Variants in TSHZ2 observed in about 807,000 individuals in gnomAD.
TSHZ2 encodes teashirt zinc finger homeobox 2, also known as teashirt homolog 2.
TSHZ2 carries 21 observed loss-of-function variants against 74.4 expected under a neutral mutation model. The observed-to-expected ratio is 0.28, with a 90% CI of 0.20 to 0.41. TSHZ2 has a LOEUF of 0.41. Ranked by LOEUF, TSHZ2 falls within the 10% of genes least tolerant of loss-of-function variation. The probability of loss-of-function intolerance (pLI) is 1.00; values close to 1 mark genes in which losing one functional copy is unlikely to be tolerated. For missense variants in TSHZ2, 1,244 were observed against 1,293.5 expected, an observed-to-expected ratio of 0.96 and a Z score of 0.59; for synonymous variants, 540 against 515.3, an observed-to-expected ratio of 1.05 and a Z score of -0.65.
intron 2 of TSHZ2, among the ~76,000 whole-genome samples, chr20:53,379,245 G>C (rs1228847616): frequency 1.3e-5 from 2 of 152,110 alleles, no homozygotes; most frequent in African/African-American, 4.8e-5. Context: ...AGCCAGCCGT[G>C]GTGTCACGCG....
chr20:53,247,576 C>T (rs1311437999), intron 1 of TSHZ2, among the ~76,000 whole-genome samples: 1 of 152,172 alleles, frequency 6.6e-6, no homozygotes, highest in Non-Finnish European at 1.5e-5. Flanking sequence ...ACCACAGTCA[C>T]CCAAACACTA....
At chr20:53,168,636 A>T (rs2123479488) in intron 1 of TSHZ2, 1 of 152,308 alleles carries the variant, frequency 6.6e-6, no homozygotes, top group South Asian at 2.1e-4. Context: ...AAACAGCTAA[A>T]CATCTCAGTG....
intron 2 of TSHZ2, among the ~76,000 whole-genome samples, chr20:53,397,212 C>A (rs1253716864): frequency 2.0e-5 from 3 of 152,286 alleles, no homozygotes; most frequent in African/African-American, 7.2e-5. Flanking sequence ...GAGAAAATTT[C>A]TGCAATCTAC....
At chr20:53,305,943 A>C (rs1978522001) in intron 2 of TSHZ2, among the ~76,000 whole-genome samples, 1 of 149,238 alleles carries the variant, frequency 6.7e-6, no homozygotes, top group African/African-American at 2.5e-5. Context: ...GTGCCACTAC[A>C]CTCCGGCCTG....
intron 1 of TSHZ2, among the ~76,000 whole-genome samples, chr20:53,027,670 G>T (rs1024452193): frequency 1.1e-4 from 17 of 152,090 alleles, no homozygotes; most frequent in African/African-American, 3.9e-4. Context: ...GGGTGCAGGG[G>T]ATCGCTTGAG....
At chr20:53,443,614 T>C (rs1018613257) in intron 2 of TSHZ2, among the ~76,000 whole-genome samples, 2 of 152,226 alleles carry the variant, frequency 1.3e-5, no homozygotes, top group African/African-American at 4.8e-5. Flanking sequence ...TCACCCATGC[T>C]CAAATGTCAT....
rs1309784654 is a variant in TSHZ2 at position 53,489,402 on chromosome 20, A to C, written c.*2267A>C. The C allele has an allele frequency of 8.7e-6, 3 of 344,532 alleles. No individual in the cohort carries two copies. The highest frequency in any genetic ancestry group is 1.7e-5 in the Non-Finnish European group (3 of 175,258). The allele number at this position is 344,532 out of a possible 1,614,324, so 21.3% of individuals were successfully genotyped here. ...TCCTTCAACAAGGAAATTCTATTAA[A>C]GGAAAATCAATGCATTAGTATTGGG... On this transcript the variant is annotated 3_prime_UTR_variant, in exon 3 of 3. Coordinates refer to ENST00000371497, the MANE Select transcript of TSHZ2 (RefSeq NM_173485.6).
chr20:53,474,756 G>T (rs1985939059), intron 2 of TSHZ2, among the ~76,000 whole-genome samples: 1 of 128,268 alleles, frequency 7.8e-6, no homozygotes, highest in Admixed American at 7.9e-5. Context: ...CTGTATTCAG[G>T]AAACCCATCT....
At chr20:53,276,174 C>T (rs1348682622) in intron 2 of TSHZ2, among the ~76,000 whole-genome samples, 1 of 151,850 alleles carries the variant, frequency 6.6e-6, no homozygotes, top group East Asian at 1.9e-4. Flanking sequence ...CATTATTAGG[C>T]AAATGGCAAG....
chr20:53,323,679 G>A (rs1296036087), intron 2 of TSHZ2, among the ~76,000 whole-genome samples: 4 of 139,980 alleles, frequency 2.9e-5, no homozygotes, highest in African/African-American at 5.3e-5. Flanking sequence ...AGGTTCAAGC[G>A]ATTATCTTGC....
At chr20:53,006,181 G>A (rs1015054020) in intron 1 of TSHZ2, among the ~76,000 whole-genome samples, 1 of 152,182 alleles carries the variant, frequency 6.6e-6, no homozygotes, top group Non-Finnish European at 1.5e-5. Context: ...TCTGTTCCCA[G>A]ACAGACTCAC....
At chr20:53,013,382 C>T (rs1413223516) in intron 1 of TSHZ2, among the ~76,000 whole-genome samples, 2 of 152,020 alleles carry the variant, frequency 1.3e-5, no homozygotes, top group Non-Finnish European at 2.9e-5. Context: ...CAAATACAGC[C>T]AGCTTTATAA....
Position 53,144,890 on chromosome 20 carries a change from GCC to G in TSHZ2, c.41-108608_41-108607del, listed in dbSNP as rs1396598368. ...AAAATACAATGCAGATATATATGTA[GCC>G]TAAGTATTTTTTAAAACTTTCTCTT... On this transcript the variant is annotated intron_variant, in intron 1 of 2. Transcript: ENST00000371497. Among the ~76,000 whole-genome samples the G allele has an allele frequency of 4.6e-5, 7 of 151,754 alleles. No homozygotes were observed. In the South Asian group the frequency reaches 8.3e-4, roughly 18 times the overall value.
At chr20:53,352,790 AAAAAGAAAG>A (rs1568881469) in intron 2 of TSHZ2, among the ~76,000 whole-genome samples, 1 of 138,980 alleles carries the variant, frequency 7.2e-6, no homozygotes, top group African/African-American at 2.8e-5. Context: ...AAAAAAAAAA[AAAAAGAAAG>A]AAATAAGATG....
At chr20:53,052,759 T>C (rs149467541) in intron 1 of TSHZ2, among the ~76,000 whole-genome samples, 64 of 152,322 alleles carry the variant, frequency 4.2e-4, no homozygotes, top group African/African-American at 1.5e-3. Flanking sequence ...ACAAATACAG[T>C]ATACAAGCAT....
At chr20:53,185,495 T>C in intron 1 of TSHZ2, 3 of 1,370,596 alleles carry the variant, frequency 2.2e-6, no homozygotes, top group Non-Finnish European at 2.9e-6. Flanking sequence ...CTGGCCAACA[T>C]GGTGAAACCT....
At chr20:53,135,037 A>ACACACAC (rs1424570713) in intron 1 of TSHZ2, among the ~76,000 whole-genome samples, 1 of 92,010 alleles carries the variant, frequency 1.1e-5, no homozygotes, top group Non-Finnish European at 2.4e-5. Context: ...CACACACACA[A>ACACACAC]GGGTTGTGGC....
chr20:53,101,510 T>G (rs1316095672), intron 1 of TSHZ2, among the ~76,000 whole-genome samples: 2 of 152,224 alleles, frequency 1.3e-5, no homozygotes, highest in African/African-American at 4.8e-5. Context: ...TTCTTAAGTT[T>G]AAAGAATAAA....
At chr20:53,136,181 A>T (rs1196431443) in intron 1 of TSHZ2, among the ~76,000 whole-genome samples, 1 of 152,180 alleles carries the variant, frequency 6.6e-6, no homozygotes, top group Non-Finnish European at 1.5e-5. Flanking sequence ...TCTTCCTCTT[A>T]TAAAGCCACT....
Sources: allele counts gnomAD v4.1 joint callset (sites outside exome capture counted in the v4.1 genomes callset), GRCh38; gene constraint gnomAD v4.1.1; transcripts MANE v1.5; gene names NCBI Gene and HGNC (gene_info 2026-07-23, HGNC 2026-07-21).